Variants in TMC1 observed in about 807,000 individuals in gnomAD.
TMC1 encodes transmembrane channel like 1.
In TMC1, 84 loss-of-function variants were observed where a neutral mutation model predicts 105.8. That is an observed-to-expected ratio of 0.79 (90% CI 0.67 to 0.95). The LOEUF is 0.95. Ranked by LOEUF, TMC1 falls within the 40% of genes least tolerant of loss-of-function variation. The pLI is 0.00. For synonymous variants in TMC1, 315 were observed against 311.5 expected, an observed-to-expected ratio of 1.01 and a Z score of -0.12; for missense variants, 817 against 914.1, an observed-to-expected ratio of 0.89 and a Z score of 1.37.
intron 7 of TMC1, 89 bp from the exon 8 acceptor site, chr9:72,700,429 T>G: frequency 8.8e-7 from 1 of 1,140,624 alleles, no homozygotes; most frequent in Non-Finnish European, 1.2e-6. Context: ...TTAAAAAAAA[T>G]GAGCTAAATA....
At chr9:72,776,121 T>C (rs1407521143) in intron 13 of TMC1, among the ~76,000 whole-genome samples, 1 of 152,120 alleles carries the variant, frequency 6.6e-6, no homozygotes, top group African/African-American at 2.4e-5. Context: ...CTGTTTATGA[T>C]CCTGGCTATA....
chr9:72,810,119 G>T (rs1172507027), intron 18 of TMC1, among the ~76,000 whole-genome samples: 1 of 147,192 alleles, frequency 6.8e-6, no homozygotes, highest in Non-Finnish European at 1.5e-5. Context: ...GATAGTGTGG[G>T]CAATCCAGGC....
chr9:72,673,797 G>T (rs928155588), intron 5 of TMC1, among the ~76,000 whole-genome samples: 2 of 152,090 alleles, frequency 1.3e-5, no homozygotes, highest in South Asian at 2.1e-4. Flanking sequence ...CCTACAAAAC[G>T]TATTCCAAGC....
chr9:72,682,125 C>G (rs1440744410), intron 5 of TMC1, among the ~76,000 whole-genome samples: 1 of 152,058 alleles, frequency 6.6e-6, no homozygotes. Context: ...TTGAAAATAA[C>G]TATTTAGTAT....
chr9:72,552,497 G>C (rs1032355328), intron 1 of TMC1, among the ~76,000 whole-genome samples: 2 of 152,144 alleles, frequency 1.3e-5, no homozygotes, highest in Non-Finnish European at 2.9e-5. Flanking sequence ...TGCAAACACT[G>C]TTGTATTTGG....
At chr9:72,782,764 C>T (rs528474445) in intron 13 of TMC1, among the ~76,000 whole-genome samples, 2 of 152,198 alleles carry the variant, frequency 1.3e-5, no homozygotes, top group African/African-American at 4.8e-5. Flanking sequence ...ATGAGAATTA[C>T]AGAACATAGC....
intron 1 of TMC1, among the ~76,000 whole-genome samples, chr9:72,540,100 T>A (rs1823649111): frequency 6.6e-6 from 1 of 152,122 alleles, no homozygotes; most frequent in Non-Finnish European, 1.5e-5. Context: ...CTCCCACCCC[T>A]GCCAGGGAGG....
intron 1 of TMC1, among the ~76,000 whole-genome samples, chr9:72,558,358 T>C (rs1449950739): frequency 1.3e-5 from 2 of 152,230 alleles, no homozygotes; most frequent in Non-Finnish European, 2.9e-5. Flanking sequence ...GTGGCCCAGC[T>C]CAGTAGCTAA....
At chr9:72,804,431 T>G (rs974579064) in intron 17 of TMC1, among the ~76,000 whole-genome samples, 1 of 152,256 alleles carries the variant, frequency 6.6e-6, no homozygotes, top group African/African-American at 2.4e-5. Flanking sequence ...CAATGGTTTC[T>G]AATATATTCA....
At chr9:72,618,536 G>T (rs1472485661) in intron 3 of TMC1, among the ~76,000 whole-genome samples, 1 of 151,544 alleles carries the variant, frequency 6.6e-6, no homozygotes, top group Non-Finnish European at 1.5e-5. Context: ...CATCCCTATC[G>T]AGATAGAAAT....
chr9:72,679,346 T>G (rs899241703), intron 5 of TMC1, among the ~76,000 whole-genome samples: 6 of 152,062 alleles, frequency 3.9e-5, no homozygotes, highest in Non-Finnish European at 7.4e-5. Context: ...TTTGCCCAGG[T>G]CTATAGGCCC....
intron 11 of TMC1, among the ~76,000 whole-genome samples, chr9:72,753,096 T>C (rs1827608728): frequency 6.6e-6 from 1 of 152,114 alleles, no homozygotes; most frequent in Admixed American, 6.5e-5. Flanking sequence ...TCAATCCCTT[T>C]CTCTAAGATT....
chr9:72,625,892 C>G (rs1388829133), intron 3 of TMC1, among the ~76,000 whole-genome samples: 1 of 151,990 alleles, frequency 6.6e-6, no homozygotes, highest in Non-Finnish European at 1.5e-5. Flanking sequence ...GGTTGGTGTT[C>G]TATAAGATTG....
At chr9:72,734,672 T>C (rs964026633) in intron 8 of TMC1, among the ~76,000 whole-genome samples, 2 of 152,202 alleles carry the variant, frequency 1.3e-5, no homozygotes, top group Non-Finnish European at 2.9e-5. Context: ...TTCTTTTAGA[T>C]GGCAGTGTTT....
At chr9:72,685,882 A>G (rs1296627672) in intron 5 of TMC1, among the ~76,000 whole-genome samples, 2 of 152,210 alleles carry the variant, frequency 1.3e-5, no homozygotes, top group African/African-American at 4.8e-5. Flanking sequence ...GAAAAAGGCA[A>G]TACCATTCAA....
intron 2 of TMC1, among the ~76,000 whole-genome samples, chr9:72,584,799 T>TTTTTTTC (rs1442001247): frequency 1.3e-5 from 2 of 148,604 alleles, no homozygotes; most frequent in African/African-American, 5.0e-5. Flanking sequence ...TTTTTTTTTT[T>TTTTTTTC]TTTGAGACAG....
At chr9:72,703,686 C>G (rs1826682166) in intron 8 of TMC1, among the ~76,000 whole-genome samples, 1 of 152,174 alleles carries the variant, frequency 6.6e-6, no homozygotes, top group South Asian at 2.1e-4. Flanking sequence ...GGCATGTTAC[C>G]AAGACGGTGA....
At chr9:72,677,129 TACACACACACACAC>T (rs71495332) in intron 5 of TMC1, among the ~76,000 whole-genome samples, 5 of 145,224 alleles carry the variant, frequency 3.4e-5, no homozygotes, top group Non-Finnish European at 6.1e-5. Flanking sequence ...GAACAGAAAT[TACACACACACACAC>T]ACACACACAC....
chr9:72,744,055 C>T (rs1827445049), intron 10 of TMC1, among the ~76,000 whole-genome samples: 1 of 152,148 alleles, frequency 6.6e-6, no homozygotes, highest in African/African-American at 2.4e-5. Context: ...AGCTTGCTGA[C>T]ATGATTGGGC....
Sources: allele counts gnomAD v4.1 joint callset (sites outside exome capture counted in the v4.1 genomes callset), GRCh38; gene constraint gnomAD v4.1.1; transcripts MANE v1.5; gene names NCBI Gene and HGNC (gene_info 2026-07-23, HGNC 2026-07-21).